NFIA: variants seen among roughly 807,000 people sequenced by gnomAD.
The protein encoded by NFIA is nuclear factor 1 A-type.
A neutral mutation model predicts 62.8 loss-of-function variants in NFIA; 8 were observed. That is an observed-to-expected ratio of 0.13 (90% CI 0.07 to 0.23). The LOEUF (loss-of-function observed/expected upper bound fraction) is 0.23, where lower values mean the gene tolerates loss of function less well. Ranked by LOEUF, NFIA falls within the 10% of genes least tolerant of loss-of-function variation. The pLI is 1.00. For synonymous variants in NFIA, 235 were observed against 238.1 expected, an observed-to-expected ratio of 0.99 and a Z score of 0.12; for missense variants, 410 against 642.1, an observed-to-expected ratio of 0.64 and a Z score of 3.91.
upstream of NFIA, chr1:61,081,854 G>T: frequency 6.5e-7 from 1 of 1,534,716 alleles, no homozygotes. Flanking sequence ...AGCTTCGCTG[G>T]AGAGATTACA....
intron 2 of NFIA, among the ~76,000 whole-genome samples, chr1:61,180,308 C>T (rs779126180): frequency 2.0e-5 from 3 of 152,198 alleles, no homozygotes; most frequent in African/African-American, 7.2e-5. Flanking sequence ...CTTTTAGGGG[C>T]CATCACTATG....
At chr1:61,392,246 G>A (rs116359809) in intron 7 of NFIA, among the ~76,000 whole-genome samples, 55 of 151,458 alleles carry the variant, frequency 3.6e-4, no homozygotes, top group African/African-American at 1.3e-3. Flanking sequence ...GGTCCTTTAA[G>A]TCCCAGTTCA....
chr1:61,143,919 G>T (rs151118192), intron 2 of NFIA, among the ~76,000 whole-genome samples: 1 of 152,158 alleles, frequency 6.6e-6, no homozygotes, highest in Non-Finnish European at 1.5e-5. Context: ...TCTTTAAGGT[G>T]CTTAAGCCCT....
intron 2 of NFIA, among the ~76,000 whole-genome samples, chr1:61,244,669 A>G (rs1283645834): frequency 6.6e-6 from 1 of 152,190 alleles, no homozygotes; most frequent in Non-Finnish European, 1.5e-5. Context: ...AAATAATGTG[A>G]CAGTGTTTTC....
At chr1:61,445,781 AG>A (rs1357284799) in intron 10 of NFIA, among the ~76,000 whole-genome samples, 1 of 152,204 alleles carries the variant, frequency 6.6e-6, no homozygotes, top group Non-Finnish European at 1.5e-5. Flanking sequence ...CTTACATTTT[AG>A]GCCTGTGTCT....
chr1:61,164,884 A>C (rs1202577327), intron 2 of NFIA, among the ~76,000 whole-genome samples: 2 of 152,206 alleles, frequency 1.3e-5, no homozygotes, highest in Non-Finnish European at 2.9e-5. Flanking sequence ...ACCCAACTGC[A>C]GGACCTGAAG....
chr1:61,406,648 G>T lies in NFIA; in HGVS notation c.1341G>T (p.Arg447Ser). The T allele has an allele frequency of 6.4e-7, 1 of 1,564,600 alleles. No homozygotes were observed. The highest frequency in any genetic ancestry group is 8.7e-7 in the Non-Finnish European group (1 of 1,149,414). ...LPPPPPPPMARPVPLPVPDTK... is the reference protein window; with the variant it reads ...LPPPPPPPMASPVPLPVPDTK... ...CGCCACCGCCACCACCGATGGCCAGGCCTGTGCCTCTGCCGGTGCCAGACA... is the reference window on the plus strand; with the variant it reads ...CGCCACCGCCACCACCGATGGCCAGTCCTGTGCCTCTGCCGGTGCCAGACA... Residue 447 changes from arginine (R) to serine (S), a missense_variant, in exon 9 of 11, where the codon AGG becomes AGT. Physicochemically the swap from Arg to Ser is moderately radical, Grantham distance 110. Around this residue, in one of 3 missense-constraint regions of NFIA, gnomAD observed 298 missense variants for 438.1 expected, o/e 0.68. Coordinates refer to ENST00000403491, the MANE Select transcript of NFIA (RefSeq NM_001134673.4).
intron 7 of NFIA, among the ~76,000 whole-genome samples, chr1:61,387,809 C>T (rs1664782922): frequency 6.6e-6 from 1 of 152,076 alleles, no homozygotes; most frequent in South Asian, 2.1e-4. Context: ...CCTCTCTGAC[C>T]CTGATGAGTT....
At chr1:61,218,531 G>A (rs536069375) in intron 2 of NFIA, among the ~76,000 whole-genome samples, 5 of 152,222 alleles carry the variant, frequency 3.3e-5, no homozygotes, top group African/African-American at 9.6e-5. Flanking sequence ...CCGTCATCAC[G>A]TAAAACTTGT....
intron 3 of NFIA, among the ~76,000 whole-genome samples, chr1:61,324,023 C>G (rs1016934333): frequency 2.6e-5 from 4 of 152,128 alleles, no homozygotes; most frequent in Admixed American, 6.5e-5. Flanking sequence ...AATAGTGTCT[C>G]CTGAGCACAC....
chr1:61,285,077 A>G (rs891263411), intron 3 of NFIA, among the ~76,000 whole-genome samples: 1 of 152,232 alleles, frequency 6.6e-6, no homozygotes, highest in African/African-American at 2.4e-5. Flanking sequence ...AGGAAATCAA[A>G]TGAGGAGCCG....
intron 6 of NFIA, among the ~76,000 whole-genome samples, chr1:61,368,006 T>C (rs1279747973): frequency 2.6e-5 from 4 of 152,336 alleles, no homozygotes; most frequent in African/African-American, 9.6e-5. Flanking sequence ...AGCAGAGCGA[T>C]GTATACGTTT....
At chr1:61,212,856 A>T (rs972098006) in intron 2 of NFIA, among the ~76,000 whole-genome samples, 1 of 152,172 alleles carries the variant, frequency 6.6e-6, no homozygotes, top group African/African-American at 2.4e-5. Context: ...AGTAGACCAT[A>T]CTTATTTTCA....
intron 9 of NFIA, among the ~76,000 whole-genome samples, chr1:61,415,463 A>G (rs1666306589): frequency 6.6e-6 from 1 of 152,190 alleles, no homozygotes; most frequent in African/African-American, 2.4e-5. Flanking sequence ...TAACATATAA[A>G]TTATTTTTAA....
chr1:61,361,065 C>T (rs960966615), intron 6 of NFIA, among the ~76,000 whole-genome samples: 2 of 152,104 alleles, frequency 1.3e-5, no homozygotes, highest in African/African-American at 2.4e-5. Context: ...GAAACAAACA[C>T]ATAAGCAGAT....
intron 2 of NFIA, among the ~76,000 whole-genome samples, chr1:61,114,056 A>G (rs1646754820): frequency 6.6e-6 from 1 of 152,206 alleles, no homozygotes; most frequent in Non-Finnish European, 1.5e-5. Flanking sequence ...TCTCGGCACA[A>G]AATTATAAAT....
chr1:61,108,658 C>G (rs1646644964), intron 2 of NFIA, among the ~76,000 whole-genome samples: 1 of 151,214 alleles, frequency 6.6e-6, no homozygotes, highest in African/African-American at 2.4e-5. Flanking sequence ...TCTTGATTTC[C>G]TATTTATTTT....
chr1:61,251,025 T>G (rs945449691), intron 2 of NFIA: 1 of 152,208 alleles, frequency 6.6e-6, no homozygotes, highest in Non-Finnish European at 1.5e-5. Flanking sequence ...TATTTTCACT[T>G]TTGTCCCATC....
rs375614570 is a variant in NFIA at position 61,332,498 on chromosome 1, T to G, written c.626-14T>G. ...TTTATGACACTTTGTTTTCTTTTGT[T>G]TTTGTTTCCCCAGGACATTTGGGCT... On this transcript the variant is annotated splice_polypyrimidine_tract_variant and intron_variant, in intron 3 of 10. Coordinates refer to ENST00000403491, the MANE Select transcript of NFIA (RefSeq NM_001134673.4). The G allele has an allele frequency of 1.2e-6, 2 of 1,613,138 alleles. No homozygotes were observed. The highest frequency in any genetic ancestry group is 2.7e-5 in the African/African-American group (2 of 74,896).
Sources: gnomAD v4.1 joint callset for allele counts (sites outside exome capture counted in the v4.1 genomes callset) on GRCh38, gnomAD v4.1.1 for gene constraint, gnomAD v4.1.1 regional missense constraint, MANE v1.5 for transcripts, NCBI Gene and HGNC (gene_info 2026-07-23, HGNC 2026-07-21) for gene names.